Variants in RELN observed in about 807,000 individuals in gnomAD.
RELN encodes the protein reelin.
RELN carries 108 observed loss-of-function variants against 427.6 expected under a neutral mutation model. The observed-to-expected ratio is 0.25, with a 90% CI of 0.22 to 0.30. The LOEUF (loss-of-function observed/expected upper bound fraction) is 0.30, where lower values mean the gene tolerates loss of function less well. RELN is among the 10% of genes least tolerant of loss of function. RELN has a pLI of 1.00. For missense variants in RELN, 3,715 were observed against 4,302.8 expected (o/e 0.86, Z 3.82); for synonymous variants, 1,524 against 1,513.4 (o/e 1.01, Z -0.16).
In RELN at chr7:103,800,689, A is replaced by G. The variant is rs1792440580; in HGVS notation, c.474-24062T>C. ...GCATGGGCAAGGACTTCATGTCTAAAACACCAAAAGCAATGGCAACAAAAG... is the reference window on the plus strand; with the variant it reads ...GCATGGGCAAGGACTTCATGTCTAAGACACCAAAAGCAATGGCAACAAAAG... On this transcript the variant is annotated intron_variant, in intron 3 of 64. Transcript: ENST00000428762. 2.0e-5 allele frequency among the ~76,000 whole-genome samples: 3 copies of G among 152,354 alleles called. No individual in the cohort carries two copies. In the South Asian group the frequency reaches 6.2e-4, roughly 32 times the overall value.
chr7:103,960,456 C>CA (rs1042100607), intron 1 of RELN, among the ~76,000 whole-genome samples: 36 of 152,274 alleles, frequency 2.4e-4, no homozygotes, highest in Non-Finnish European at 4.4e-4. Context: ...TCCTTCCCTG[C>CA]TTTTTTTCCT....
chr7:103,736,027 C>T (rs2115980189), intron 6 of RELN, among the ~76,000 whole-genome samples: 1 of 152,336 alleles, frequency 6.6e-6, no homozygotes, highest in South Asian at 2.1e-4. Context: ...TCTGCACCCC[C>T]AGGTACGGAT....
In RELN at chr7:103,709,798, A is replaced by G. The variant is rs1025812937; in HGVS notation, c.806-8792T>C. Among the ~76,000 whole-genome samples the G allele has an allele frequency of 2.6e-5, 4 of 152,376 alleles. No homozygotes were observed. In the East Asian group the frequency reaches 7.7e-4, roughly 29 times the overall value. On this transcript the variant is annotated intron_variant, in intron 8 of 64. Coordinates refer to ENST00000428762, the MANE Select transcript of RELN (RefSeq NM_005045.4). ...TAAATCCATGGCTTAAAATATCTAC[A>G]TTAAATAAAAAATATTGTTTTGCAT...
intron 46 of RELN, among the ~76,000 whole-genome samples, chr7:103,526,129 T>C (rs531843844): frequency 6.6e-6 from 1 of 152,210 alleles, no homozygotes; most frequent in Admixed American, 6.5e-5. Flanking sequence ...AGAGGTGGCA[T>C]GGGTTGCCTA....
intron 57 of RELN, among the ~76,000 whole-genome samples, chr7:103,493,966 T>A (rs1207312522): frequency 6.6e-6 from 1 of 152,128 alleles, no homozygotes; most frequent in African/African-American, 2.4e-5. Context: ...CCCAGTCTCT[T>A]CAGTGCAGTT....
chr7:103,755,232 G>A (rs963730063), intron 4 of RELN, among the ~76,000 whole-genome samples: 3 of 151,650 alleles, frequency 2.0e-5, no homozygotes, highest in Admixed American at 6.6e-5. Flanking sequence ...GAGGTGGGCG[G>A]ATCACGAGGG....
chr7:103,748,910 T>C (rs541419923), intron 6 of RELN, among the ~76,000 whole-genome samples: 1 of 152,338 alleles, frequency 6.6e-6, no homozygotes, highest in African/African-American at 2.4e-5. Flanking sequence ...AACAAATTCA[T>C]GCATCCATTT....
At chr7:103,876,349 G>T (rs1391081554) in intron 2 of RELN, among the ~76,000 whole-genome samples, 1 of 152,070 alleles carries the variant, frequency 6.6e-6, no homozygotes, top group Non-Finnish European at 1.5e-5. Flanking sequence ...GCAGTAATTT[G>T]GGGGTTTATC....
intron 38 of RELN, among the ~76,000 whole-genome samples, chr7:103,555,505 C>G (rs922829155): frequency 6.6e-6 from 1 of 152,158 alleles, no homozygotes; most frequent in Non-Finnish European, 1.5e-5. Context: ...ACAGCAATCC[C>G]TCCGTCACCC....
chr7:103,774,638 GTTATT>G (rs1396838163), intron 4 of RELN, among the ~76,000 whole-genome samples: 2 of 152,104 alleles, frequency 1.3e-5, no homozygotes, highest in Non-Finnish European at 1.5e-5. Flanking sequence ...ATGATAAAAT[GTTATT>G]TTATTTGAGG....
At chr7:103,924,567 C>G (rs755012368) in intron 1 of RELN, among the ~76,000 whole-genome samples, 1 of 152,110 alleles carries the variant, frequency 6.6e-6, no homozygotes, top group Non-Finnish European at 1.5e-5. Context: ...ATATGCAAAA[C>G]TTAATGACCG....
chr7:103,806,401 T>C (rs917260545), intron 3 of RELN, among the ~76,000 whole-genome samples: 2 of 152,142 alleles, frequency 1.3e-5, no homozygotes, highest in African/African-American at 4.8e-5. Flanking sequence ...CTCAGCTCAC[T>C]GCAACCTCCA....
chr7:103,515,789 A>T (rs562642083), intron 49 of RELN, among the ~76,000 whole-genome samples: 1 of 152,184 alleles, frequency 6.6e-6, no homozygotes, highest in South Asian at 2.1e-4. Flanking sequence ...GCCAATGCTG[A>T]CTTTTTTCTG....
At chr7:103,485,259 A>T (rs573549595) in intron 61 of RELN, among the ~76,000 whole-genome samples, 1 of 146,530 alleles carries the variant, frequency 6.8e-6, no homozygotes, top group Admixed American at 6.8e-5. Context: ...AAAAAGGAAG[A>T]TGATAGACGC....
At chr7:103,564,271 G>T (rs1830699367) in intron 34 of RELN, among the ~76,000 whole-genome samples, 1 of 152,194 alleles carries the variant, frequency 6.6e-6, no homozygotes. Flanking sequence ...TACATGTCTG[G>T]ATCAGGTTTG....
chr7:103,846,518 C>A (rs1224260743), intron 2 of RELN, among the ~76,000 whole-genome samples: 2 of 152,064 alleles, frequency 1.3e-5, no homozygotes, highest in Non-Finnish European at 2.9e-5. Context: ...TAGGCGTGGG[C>A]AAAGACTTCA....
At chr7:103,782,275 C>T (rs1193298985) in intron 3 of RELN, among the ~76,000 whole-genome samples, 1 of 152,006 alleles carries the variant, frequency 6.6e-6, no homozygotes, top group Admixed American at 6.6e-5. Flanking sequence ...AGCTGTATGC[C>T]CAAAGCATTT....
chr7:103,911,653 A>C (rs1424817679), intron 2 of RELN, among the ~76,000 whole-genome samples: 1 of 149,462 alleles, frequency 6.7e-6, no homozygotes, highest in Non-Finnish European at 1.5e-5. Context: ...GCACATATAC[A>C]CCATGGAATA....
intron 1 of RELN, among the ~76,000 whole-genome samples, chr7:103,952,044 A>G (rs1796343181): frequency 6.6e-6 from 1 of 152,262 alleles, no homozygotes; most frequent in Non-Finnish European, 1.5e-5. Context: ...ATATTCAGTT[A>G]TCAGTTCTTA....
Sources: allele counts gnomAD v4.1 joint callset (sites outside exome capture counted in the v4.1 genomes callset), GRCh38; gene constraint gnomAD v4.1.1; transcripts MANE v1.5; gene names NCBI Gene and HGNC (gene_info 2026-07-23, HGNC 2026-07-21).